Variants in PPP3CA observed in about 807,000 individuals in gnomAD.
PPP3CA encodes CAM-PRP catalytic subunit.
PPP3CA carries 14 observed loss-of-function variants against 66.5 expected under a neutral mutation model. The observed-to-expected ratio is 0.21, with a 90% CI of 0.14 to 0.33. PPP3CA has a LOEUF of 0.33. Among genes scored for constraint, PPP3CA ranks in the 10% least tolerant of loss-of-function variants. The pLI, the probability that PPP3CA is intolerant of heterozygous loss-of-function variation, is 1.00. For synonymous variants in PPP3CA, 232 were observed against 226.2 expected (o/e 1.03, Z -0.23); for missense variants, 317 against 639.5 (o/e 0.50, Z 5.44).
chr4:101,220,760 T>C (rs989733644), intron 1 of PPP3CA, among the ~76,000 whole-genome samples: 1 of 151,614 alleles, frequency 6.6e-6, no homozygotes, highest in Admixed American at 6.6e-5. Context: ...ACACACACAG[T>C]CACACACAAA....
intron 2 of PPP3CA, among the ~76,000 whole-genome samples, chr4:101,139,065 C>T (rs982365521): frequency 6.6e-6 from 1 of 152,036 alleles, no homozygotes; most frequent in South Asian, 2.1e-4. Context: ...GGAAACTAGG[C>T]CGGGCATGGT....
In PPP3CA at chr4:101,042,842, T is replaced by TC. The variant is rs1341964608; in HGVS notation, c.1157-2277dup. ...TTTTTTAAAGTGGGATGGCAAATAG[T>TC]CCCCTTAGGGTGGTCTTCCTATACA... On this transcript the variant is annotated intron_variant, in intron 10 of 13. Coordinates refer to ENST00000394854, the MANE Select transcript of PPP3CA (RefSeq NM_000944.5). 6.6e-5 allele frequency among the ~76,000 whole-genome samples: 10 copies of TC among 150,810 alleles called. No individual in the cohort carries two copies. The East Asian group carries it at 1.8e-3, about 26-fold the overall frequency.
rs1238174781 is a variant in PPP3CA at position 101,033,927 on chromosome 4, AT to A, written c.1242-1564del. On this transcript the variant is annotated intron_variant, in intron 11 of 13. Transcript: ENST00000394854. ...CTCACCACCAGCATCACCTACCTGGATTGCAGGAGCCTTCCGAATGGTCTCT... is the reference window on the plus strand; with the variant it reads ...CTCACCACCAGCATCACCTACCTGGATGCAGGAGCCTTCCGAATGGTCTCT... Among the ~76,000 whole-genome samples, 9 of 152,244 alleles carry A rather than the reference AT, an allele frequency of 5.9e-5. No homozygotes were observed. In the South Asian group the frequency reaches 1.9e-3, roughly 32 times the overall value.
chr4:101,078,855 A>AT (rs1191394444), intron 8 of PPP3CA, among the ~76,000 whole-genome samples: 1 of 152,168 alleles, frequency 6.6e-6, no homozygotes, highest in African/African-American at 2.4e-5. Flanking sequence ...CACATACTTA[A>AT]AAGCACGTGG....
At chr4:101,313,847 T>A (rs545388611) in intron 1 of PPP3CA, among the ~76,000 whole-genome samples, 1 of 152,188 alleles carries the variant, frequency 6.6e-6, no homozygotes, top group Non-Finnish European at 1.5e-5. Flanking sequence ...AAAAACTCTA[T>A]TAAATGTTTA....
intron 2 of PPP3CA, among the ~76,000 whole-genome samples, chr4:101,195,537 C>T (rs182388960): frequency 3.3e-5 from 5 of 152,238 alleles, no homozygotes; most frequent in Admixed American, 6.5e-5. Flanking sequence ...TTGAAAACCA[C>T]TGTTTTAACT....
rs574023116 is a variant in PPP3CA at position 101,088,905 on chromosome 4, A to T, written c.782+4871T>A. Reference sequence around the variant, plus strand: ...TGGTGGTGATTTCAATACACGAGGAAAAAGCAAAGACACCTGTTAGTCTGC... The same window carrying T: ...TGGTGGTGATTTCAATACACGAGGATAAAGCAAAGACACCTGTTAGTCTGC... On this transcript the variant is annotated intron_variant, in intron 6 of 13. Transcript: ENST00000394854. 2.0e-5 allele frequency among the ~76,000 whole-genome samples: 3 copies of T among 152,304 alleles called. No homozygotes were observed. The South Asian group carries it at 6.2e-4, about 32-fold the overall frequency.
At chr4:101,137,630 G>A (rs1177554401) in intron 2 of PPP3CA, among the ~76,000 whole-genome samples, 1 of 152,062 alleles carries the variant, frequency 6.6e-6, no homozygotes, top group African/African-American at 2.4e-5. Context: ...TGGAAGAGCT[G>A]AGCACCCACT....
intron 1 of PPP3CA, among the ~76,000 whole-genome samples, chr4:101,275,868 T>TG (rs1316020298): frequency 1.4e-5 from 2 of 144,226 alleles, no homozygotes; most frequent in Admixed American, 1.5e-4. Flanking sequence ...GTGGTTTTTT[T>TG]TTTGTTTTTT....
At chr4:101,223,406 A>T (rs1287342191) in intron 1 of PPP3CA, among the ~76,000 whole-genome samples, 1 of 151,850 alleles carries the variant, frequency 6.6e-6, no homozygotes, top group African/African-American at 2.4e-5. Flanking sequence ...AGTTTAGGTC[A>T]GAGACCTCTA....
In PPP3CA at chr4:101,119,567, T is replaced by G. The variant is rs549063123; in HGVS notation, c.260-10489A>C. Among the ~76,000 whole-genome samples the G allele has an allele frequency of 3.1e-3, 478 of 152,094 alleles. 2 individuals are homozygous for G. Among genetic ancestry groups the G allele is most frequent in the African/African-American group, 0.011 (439 of 41,546 alleles). On this transcript the variant is annotated intron_variant, in intron 2 of 13. Coordinates refer to ENST00000394854, the MANE Select transcript of PPP3CA (RefSeq NM_000944.5). ...TTTCTTAGATTTCTGGAAAACTCAG[T>G]TAAGGAAAATTTTCTACATAGGGAA...
At chr4:101,285,330 C>T (rs1301678953) in intron 1 of PPP3CA, among the ~76,000 whole-genome samples, 1 of 152,102 alleles carries the variant, frequency 6.6e-6, no homozygotes, top group Non-Finnish European at 1.5e-5. Context: ...CCAACCATCC[C>T]TTCCATTAAA....
chr4:101,055,952 C>T (rs1728206394), intron 10 of PPP3CA, among the ~76,000 whole-genome samples: 1 of 151,360 alleles, frequency 6.6e-6, no homozygotes, highest in Non-Finnish European at 1.5e-5. Context: ...TTTTATTTTA[C>T]AGTATATTTA....
intron 3 of PPP3CA, among the ~76,000 whole-genome samples, chr4:101,106,843 A>C (rs1443677096): frequency 6.6e-6 from 1 of 152,234 alleles, no homozygotes; most frequent in Non-Finnish European, 1.5e-5. Flanking sequence ...AAATCAGAGC[A>C]AGAAAGCAGA....
At chr4:101,051,618 G>A (rs1466470715) in intron 10 of PPP3CA, among the ~76,000 whole-genome samples, 1 of 152,102 alleles carries the variant, frequency 6.6e-6, no homozygotes, top group Admixed American at 6.6e-5. Flanking sequence ...GAAGTAAAGT[G>A]TTCTAAAATA....
chr4:101,136,528 G>A (rs1722626204), intron 2 of PPP3CA, among the ~76,000 whole-genome samples: 1 of 148,280 alleles, frequency 6.7e-6, no homozygotes, highest in Non-Finnish European at 1.5e-5. Context: ...GTGACAGAAC[G>A]AGACTCCGCC....
intron 2 of PPP3CA, among the ~76,000 whole-genome samples, chr4:101,150,302 C>T (rs994706584): frequency 2.6e-5 from 4 of 152,164 alleles, no homozygotes; most frequent in East Asian, 1.9e-4. Flanking sequence ...GTTCTTGTAC[C>T]GCTAACAGTT....
intron 1 of PPP3CA, among the ~76,000 whole-genome samples, chr4:101,300,626 C>T (rs191994888): frequency 8.5e-5 from 13 of 152,196 alleles, no homozygotes; most frequent in Non-Finnish European, 1.2e-4. Context: ...GAAACCCTCT[C>T]TCTACTAAAA....
chr4:101,157,896 A>G (rs981393855), intron 2 of PPP3CA, among the ~76,000 whole-genome samples: 1 of 149,548 alleles, frequency 6.7e-6, no homozygotes, highest in African/African-American at 2.5e-5. Flanking sequence ...AAAACCTCTC[A>G]GTCTTCATGA....
Sources: gnomAD v4.1 joint callset for allele counts (sites outside exome capture counted in the v4.1 genomes callset) on GRCh38, gnomAD v4.1.1 for gene constraint, MANE v1.5 for transcripts, NCBI Gene and HGNC (gene_info 2026-07-23, HGNC 2026-07-21) for gene names.